Variants in THRB observed in about 807,000 individuals in gnomAD.
THRB encodes the protein nuclear receptor subfamily 1 group A member 2.
In THRB, 12 loss-of-function variants were observed where a neutral mutation model predicts 47.8. The observed-to-expected ratio is 0.25, with a 90% CI of 0.16 to 0.41. THRB has a LOEUF of 0.41. Among genes scored for constraint, THRB ranks in the 10% least tolerant of loss-of-function variants. The probability of loss-of-function intolerance (pLI) is 1.00; values close to 1 mark genes in which losing one functional copy is unlikely to be tolerated. For synonymous variants in THRB, 218 were observed against 212.2 expected (o/e 1.03, Z -0.24); for missense variants, 348 against 589.2 (o/e 0.59, Z 4.24).
At chr3:24,196,812 T>A (rs1458989731) in intron 4 of THRB, among the ~76,000 whole-genome samples, 1 of 152,224 alleles carries the variant, frequency 6.6e-6, no homozygotes, top group Non-Finnish European at 1.5e-5. Flanking sequence ...CCTGTTAGGT[T>A]TGCCTGACCA....
chr3:24,183,719 T>A (rs2042221315), intron 5 of THRB, among the ~76,000 whole-genome samples: 1 of 150,890 alleles, frequency 6.6e-6, no homozygotes, highest in Non-Finnish European at 1.5e-5. Context: ...TTCATTGAAA[T>A]ATCTTTCATC....
At position 24,179,250 on chromosome 3, in the gene THRB, G is replaced by A. The variant is rs181037407; in HGVS notation, c.283+10824C>T. On this transcript the variant is annotated intron_variant, in intron 5 of 10. Coordinates refer to ENST00000646209, the MANE Select transcript of THRB (RefSeq NM_001354712.2). ...AATTTGTAAAATGTAAATAAAGTCT[G>A]TAGATTAGAAAATAGTAGGCATCAA... Among the ~76,000 whole-genome samples, 319 of 152,304 alleles carry A rather than the reference G, an allele frequency of 2.1e-3. 1 individual carries two copies. Among genetic ancestry groups the A allele is most frequent in the African/African-American group, 7.4e-3 (309 of 41,564 alleles).
intron 2 of THRB, among the ~76,000 whole-genome samples, chr3:24,316,924 G>A (rs1480959446): frequency 6.6e-6 from 1 of 152,150 alleles, no homozygotes; most frequent in Non-Finnish European, 1.5e-5. Flanking sequence ...CGTATTTCAG[G>A]CAGAAGCCCT....
chr3:24,286,183 A>T (rs2055273781), intron 3 of THRB, among the ~76,000 whole-genome samples: 2 of 152,334 alleles, frequency 1.3e-5, no homozygotes, highest in Middle Eastern at 3.4e-3. Flanking sequence ...TGTGAGAAAC[A>T]AATGTTTGGT....
chr3:24,253,676 A>G (rs1421077550), intron 3 of THRB, among the ~76,000 whole-genome samples: 1 of 152,206 alleles, frequency 6.6e-6, no homozygotes, highest in Non-Finnish European at 1.5e-5. Context: ...CCAAGGAGAT[A>G]AGAAATTCAG....
chr3:24,198,473 T>TC (rs373353873), intron 4 of THRB, among the ~76,000 whole-genome samples: 37 of 98,270 alleles, frequency 3.8e-4, no homozygotes, highest in African/African-American at 1.2e-3. Context: ...CCCCTTTTTT[T>TC]TTTAACTACT....
chr3:24,370,203 T>C (rs938644509), intron 1 of THRB, among the ~76,000 whole-genome samples: 2 of 152,142 alleles, frequency 1.3e-5, no homozygotes, highest in African/African-American at 2.4e-5. Context: ...CATTTTATCA[T>C]TGTTGTAAAA....
At chr3:24,467,591 T>C (rs2074254912) in intron 1 of THRB, among the ~76,000 whole-genome samples, 1 of 152,206 alleles carries the variant, frequency 6.6e-6, no homozygotes, top group Non-Finnish European at 1.5e-5. Context: ...TGAAACAAAA[T>C]TAATCTCTTT....
intron 9 of THRB, among the ~76,000 whole-genome samples, chr3:24,131,204 A>G (rs1255391155): frequency 6.6e-6 from 1 of 152,220 alleles, no homozygotes; most frequent in Non-Finnish European, 1.5e-5. Context: ...ATGTATGTGT[A>G]TATGTGTGTG....
intron 8 of THRB, 41 bp downstream of exon 8, chr3:24,143,460 C>T (rs761469654): frequency 1.3e-5 from 20 of 1,586,948 alleles, no homozygotes; most frequent in African/African-American, 5.4e-5. Flanking sequence ...GTAGAAAACA[C>T]TGGCATATAA....
chr3:24,348,369 T>C (rs2063153259), intron 1 of THRB, among the ~76,000 whole-genome samples: 1 of 152,106 alleles, frequency 6.6e-6, no homozygotes, highest in Admixed American at 6.5e-5. Context: ...TGTACTAGTG[T>C]AATAAGGCTG....
At chr3:24,149,697 G>T (rs892942914) in intron 6 of THRB, among the ~76,000 whole-genome samples, 1 of 151,922 alleles carries the variant, frequency 6.6e-6, no homozygotes, top group East Asian at 1.9e-4. Flanking sequence ...TTCTTAAAAT[G>T]TTGGCCTTTC....
At chr3:24,184,121 T>C (rs532241650) in intron 5 of THRB, among the ~76,000 whole-genome samples, 4 of 152,350 alleles carry the variant, frequency 2.6e-5, no homozygotes, top group African/African-American at 9.6e-5. Flanking sequence ...TCTTAATGCA[T>C]GCTTACTTTC....
chr3:24,156,423 G>T (rs2037847617), intron 5 of THRB, among the ~76,000 whole-genome samples: 1 of 152,224 alleles, frequency 6.6e-6, no homozygotes, highest in African/African-American at 2.4e-5. Flanking sequence ...GATTAATCTT[G>T]AAAGTAGATC....
intron 1 of THRB, among the ~76,000 whole-genome samples, chr3:24,407,874 G>A (rs955674767): frequency 4.6e-5 from 7 of 151,904 alleles, no homozygotes; most frequent in Non-Finnish European, 7.4e-5. Flanking sequence ...TGCTAGTGAC[G>A]ATCAACTGCT....
intron 3 of THRB, among the ~76,000 whole-genome samples, chr3:24,285,739 A>G (rs1247904988): frequency 6.6e-6 from 1 of 152,140 alleles, no homozygotes; most frequent in Admixed American, 6.5e-5. Context: ...CATATAAACA[A>G]TTGCTAAATT....
intron 1 of THRB, among the ~76,000 whole-genome samples, chr3:24,368,068 G>T (rs2064613324): frequency 6.6e-6 from 1 of 152,038 alleles, no homozygotes; most frequent in Non-Finnish European, 1.5e-5. Flanking sequence ...AGATAACAAT[G>T]CTACTTAACA....
chr3:24,168,643 T>A (rs890335889), intron 5 of THRB, among the ~76,000 whole-genome samples: 1 of 151,770 alleles, frequency 6.6e-6, no homozygotes, highest in Middle Eastern at 3.2e-3. Context: ...TTCTACTAGG[T>A]GTCTGACCCC....
rs772946689 is a variant in THRB at position 24,143,684 on chromosome 3, C to T, written c.555G>A (p.Arg185=). 1.9e-6 allele frequency: 3 copies of T among 1,614,022 alleles called. No homozygotes were observed. In the African/African-American group the frequency reaches 4.0e-5, roughly 22 times the overall value. ...CCTCTATCAGCTTCCTCTTGGCCAG[C>T]CTCTTGCTGTCATCCAGCACCACTG... ...ATDLVLDDSK[R]LAKRKLIEEN... is the part of the protein sequence containing the mutation. Residue 185 remains arginine, a synonymous_variant, in exon 8 of 11, where the codon AGG becomes AGA. Coordinates refer to ENST00000646209, the MANE Select transcript of THRB (RefSeq NM_001354712.2).
Sources: gnomAD v4.1 joint callset for allele counts (sites outside exome capture counted in the v4.1 genomes callset) on GRCh38, gnomAD v4.1.1 for gene constraint, MANE v1.5 for transcripts, NCBI Gene and HGNC (gene_info 2026-07-23, HGNC 2026-07-21) for gene names.